Variants in MARCHF6 observed in about 807,000 individuals in gnomAD.
The protein encoded by MARCHF6 is E3 ubiquitin-protein ligase MARCHF6.
MARCHF6 carries 31 observed loss-of-function variants against 133.7 expected under a neutral mutation model. That is an observed-to-expected ratio of 0.23 (90% confidence interval 0.17 to 0.31). The LOEUF is 0.31. Ranked by LOEUF, MARCHF6 falls within the 10% of genes least tolerant of loss-of-function variation. The pLI is 1.00. For missense variants in MARCHF6, 723 were observed against 1,121.6 expected (o/e 0.64, Z 5.08); for synonymous variants, 395 against 402.5 (o/e 0.98, Z 0.22).
At position 10,415,594 on chromosome 5, in the gene MARCHF6, T is replaced by C; in HGVS notation, c.2073T>C (p.Ala691=). 1 of 1,614,190 alleles carries C rather than the reference T, an allele frequency of 6.2e-7. No individual in the cohort carries two copies. ...ATGTTTGCTGGCTAACCATAAGGGC[T>C]GTGACGGTGATGGTGGCATGGATGC... ...GLYVCWLTIR[A]VTVMVAWMPQ... is the part of the protein sequence containing the mutation. Residue 691 remains alanine, a synonymous_variant, in exon 21 of 26, where the codon GCT becomes GCC. Transcript: ENST00000274140.
intron 24 of MARCHF6, among the ~76,000 whole-genome samples, chr5:10,427,513 A>G (rs891369724): frequency 1.3e-5 from 2 of 152,190 alleles, no homozygotes; most frequent in African/African-American, 4.8e-5. Flanking sequence ...CAACCATGGA[A>G]TGGCCTCTTA....
At chr5:10,402,172 T>A (rs1334612383) in intron 12 of MARCHF6, 33 bp downstream of exon 12, 15 of 1,339,188 alleles carry the variant, frequency 1.1e-5, no homozygotes, top group East Asian at 2.3e-5. Flanking sequence ...GGGTGTACAC[T>A]AATATTATTC....
intron 21 of MARCHF6, among the ~76,000 whole-genome samples, chr5:10,416,801 T>C (rs535488389): frequency 2.6e-5 from 4 of 152,238 alleles, no homozygotes; most frequent in Non-Finnish European, 5.9e-5. Context: ...GTCAGGTGGC[T>C]AAATGGCTAC....
At chr5:10,361,322 C>T (rs904149347) in intron 1 of MARCHF6, among the ~76,000 whole-genome samples, 1 of 152,164 alleles carries the variant, frequency 6.6e-6, no homozygotes, top group African/African-American at 2.4e-5. Context: ...TAACAAAGTA[C>T]TACAGATTGG....
chr5:10,388,195 A>G lies in MARCHF6; in HGVS notation c.407+1129A>G, dbSNP rs550648348. ...TTTCATTAGACTACTCATTGACTCC[A>G]GAGGACCACTGGAAGCCTAGTGGGG... On this transcript the variant is annotated intron_variant, in intron 5 of 25. Transcript: ENST00000274140. Among the ~76,000 whole-genome samples the G allele has an allele frequency of 3.9e-5, 6 of 152,300 alleles. No individual in the cohort carries two copies. In the South Asian group the frequency reaches 1.2e-3, roughly 32 times the overall value.
intron 1 of MARCHF6, among the ~76,000 whole-genome samples, chr5:10,373,179 C>A (rs548040263): frequency 6.6e-6 from 1 of 152,164 alleles, no homozygotes; most frequent in Non-Finnish European, 1.5e-5. Context: ...CTTCTCTAGG[C>A]CAAGCAGAGC....
At chr5:10,366,991 TTGATA>T (rs565204833) in intron 1 of MARCHF6, among the ~76,000 whole-genome samples, 47 of 151,954 alleles carry the variant, frequency 3.1e-4, no homozygotes, top group Admixed American at 4.6e-4. Flanking sequence ...GGCATATCCC[TTGATA>T]TGATATGATA....
chr5:10,384,936 C>T (rs1042646086), intron 4 of MARCHF6, among the ~76,000 whole-genome samples: 1 of 152,140 alleles, frequency 6.6e-6, no homozygotes, highest in Non-Finnish European at 1.5e-5. Context: ...TACTTAAAAA[C>T]TGATATCAGT....
intron 23 of MARCHF6, 132 bp downstream of exon 23, chr5:10,423,956 C>CTTT: frequency 2.2e-5 from 9 of 403,200 alleles, no homozygotes; most frequent in South Asian, 8.0e-5. Context: ...CATATATAAC[C>CTTT]TTTTTTTTTT....
At chr5:10,410,536 CTT>C (rs539275040) in intron 18 of MARCHF6, among the ~76,000 whole-genome samples, 12 of 142,770 alleles carry the variant, frequency 8.4e-5, no homozygotes, top group Admixed American at 7.0e-5. Context: ...GAGTAAATGT[CTT>C]TTTTTTTTTT....
chr5:10,426,250 CAGAATTTGCCTTGACTTT>C, intron 23 of MARCHF6, 122 bp from the exon 24 acceptor site: 1 of 854,208 alleles, frequency 1.2e-6, no homozygotes, highest in Non-Finnish European at 1.9e-6. Context: ...GTTGATATAC[CAGAATTTGCCTTGACTTT>C]AGAAGAAGTA....
chr5:10,415,512 C>T lies in MARCHF6; in HGVS notation c.1991C>T (p.Ser664Leu), dbSNP rs1739455097. ...GTATTTGCTGGCCGTTGGTTAATGT[C>T]GTTTTGGACGGGGACTGCCAAAATC... ...LPVFAGRWLM[S>L]FWTGTAKIHE... Residue 664 changes from serine to leucine, a missense_variant, in exon 21 of 26, where the codon TCG (serine) becomes TTG (leucine). This residue lies in a region of MARCHF6 where 492 missense variants were observed against 699.5 expected (regional missense o/e 0.70). Transcript: ENST00000274140. The T allele has an allele frequency of 1.2e-6, 2 of 1,613,050 alleles. No homozygotes were observed. Among genetic ancestry groups the T allele is most frequent in the Non-Finnish European group, 8.5e-7 (1 of 1,179,236 alleles).
chr5:10,422,538 T>G (rs1739878815), intron 22 of MARCHF6, among the ~76,000 whole-genome samples: 2 of 152,096 alleles, frequency 1.3e-5, no homozygotes, highest in South Asian at 4.1e-4. Context: ...ATCAGAGAAT[T>G]TATAGACGAC....
chr5:10,422,813 A>G (rs149350387), intron 22 of MARCHF6, among the ~76,000 whole-genome samples: 10 of 152,178 alleles, frequency 6.6e-5, no homozygotes, highest in African/African-American at 2.4e-4. Context: ...CATACTTTCT[A>G]TGGGATATAG....
At chr5:10,360,907 C>T (rs1476337040) in intron 1 of MARCHF6, among the ~76,000 whole-genome samples, 1 of 152,216 alleles carries the variant, frequency 6.6e-6, no homozygotes, top group Non-Finnish European at 1.5e-5. Flanking sequence ...CAGATGCCTA[C>T]TTCCCATTTC....
chr5:10,373,995 T>C (rs1278986878), intron 1 of MARCHF6, among the ~76,000 whole-genome samples: 1 of 146,950 alleles, frequency 6.8e-6, no homozygotes. Flanking sequence ...ACCCCCACCA[T>C]GGCCCTGTCA....
intron 8 of MARCHF6, 135 bp from the exon 9 acceptor site, chr5:10,394,618 G>C: frequency 1.6e-6 from 1 of 621,014 alleles, no homozygotes; most frequent in Non-Finnish European, 2.8e-6. Flanking sequence ...AAAATGATAG[G>C]AAGTATTGGA....
intron 1 of MARCHF6, among the ~76,000 whole-genome samples, chr5:10,363,408 A>G (rs1735944889): frequency 6.6e-6 from 1 of 152,244 alleles, no homozygotes; most frequent in Admixed American, 6.5e-5. Flanking sequence ...AGCATATGCA[A>G]ATATGCTAAG....
At chr5:10,419,703 A>G (rs1054142660) in intron 22 of MARCHF6, among the ~76,000 whole-genome samples, 3 of 152,170 alleles carry the variant, frequency 2.0e-5, no homozygotes, top group African/African-American at 7.2e-5. Context: ...TACCTAACAA[A>G]ATAATTGATT....
Sources: gnomAD v4.1 joint callset for allele counts (sites outside exome capture counted in the v4.1 genomes callset) on GRCh38, gnomAD v4.1.1 for gene constraint, gnomAD v4.1.1 regional missense constraint, MANE v1.5 for transcripts, NCBI Gene and HGNC (gene_info 2026-07-23, HGNC 2026-07-21) for gene names.